RYR3: variants seen among roughly 807,000 people sequenced by gnomAD.
RYR3 encodes the protein brain ryanodine receptor-calcium release channel.
RYR3 carries 207 observed loss-of-function variants against 584.3 expected under a neutral mutation model. The observed-to-expected ratio is 0.35, with a 90% confidence interval of 0.32 to 0.40. The LOEUF (loss-of-function observed/expected upper bound fraction) is 0.40, where lower values mean the gene tolerates loss of function less well. Among genes scored for constraint, RYR3 ranks in the 10% least tolerant of loss-of-function variants. The probability of loss-of-function intolerance (pLI) is 1.00; values close to 1 mark genes in which losing one functional copy is unlikely to be tolerated. For synonymous variants in RYR3, 2,416 were observed against 2,248.5 expected (o/e 1.07, Z -2.11); for missense variants, 5,616 against 6,089.2 (o/e 0.92, Z 2.59).
chr15:33,685,370 G>C (rs1445772441), intron 38 of RYR3, among the ~76,000 whole-genome samples: 1 of 152,112 alleles, frequency 6.6e-6, no homozygotes, highest in Non-Finnish European at 1.5e-5. Context: ...TAATGGTAAA[G>C]GGATCAATTC....
chr15:33,811,620 AT>A (rs67851536), intron 72 of RYR3, among the ~76,000 whole-genome samples: 74 of 34,498 alleles, frequency 2.1e-3, no homozygotes, highest in African/African-American at 6.2e-3. Context: ...TACAAAGAGG[AT>A]TACAAAGAGG....
intron 32 of RYR3, among the ~76,000 whole-genome samples, chr15:33,655,390 C>G (rs2152693533): frequency 6.6e-6 from 1 of 152,274 alleles, no homozygotes; most frequent in South Asian, 2.1e-4. Context: ...CATCTCATAA[C>G]TTTTAAGACT....
At chr15:33,508,335 G>A (rs993015183) in intron 3 of RYR3, among the ~76,000 whole-genome samples, 3 of 152,098 alleles carry the variant, frequency 2.0e-5, no homozygotes, top group Non-Finnish European at 2.9e-5. Context: ...TATCTGGTAT[G>A]CTAATACACA....
intron 20 of RYR3, among the ~76,000 whole-genome samples, chr15:33,626,323 C>T (rs2060982610): frequency 6.6e-6 from 1 of 152,130 alleles, no homozygotes; most frequent in Non-Finnish European, 1.5e-5. Context: ...AAAGGTCGCT[C>T]CTCCTATGCA....
At chr15:33,498,811 T>TTAAAAA (rs1390614752) in intron 2 of RYR3, among the ~76,000 whole-genome samples, 1 of 152,204 alleles carries the variant, frequency 6.6e-6, no homozygotes, top group Non-Finnish European at 1.5e-5. Flanking sequence ...TAATTTCCAG[T>TTAAAAA]CTTGCATTTA....
At position 33,838,866 on chromosome 15, in the gene RYR3, C is replaced by A. The variant is rs369559898; in HGVS notation, c.12886C>A (p.Pro4296Thr). ...GAAAGAGGGCAGCTTAAAGCATGGG[C>A]CTGAAGTGGGTTTGGGTGACCTCTC... ...PKKEGSLKHGPEVGLGDLSEI... is the reference protein window; with the variant it reads ...PKKEGSLKHGTEVGLGDLSEI... Residue 4296 changes from proline to threonine, a missense_variant, in exon 89 of 104, where the codon CCT becomes ACT. This residue lies in a region of RYR3 where 918 missense variants were observed against 887.4 expected (regional missense o/e 1.03). Transcript: ENST00000634891. 4 of 1,613,786 alleles carry A rather than the reference C, an allele frequency of 2.5e-6. No homozygotes were observed. The African/African-American group carries it at 5.3e-5, about 22-fold the overall frequency.
chr15:33,589,480 A>G (rs1233997219), intron 16 of RYR3, among the ~76,000 whole-genome samples: 4 of 151,996 alleles, frequency 2.6e-5, no homozygotes, highest in Non-Finnish European at 5.9e-5. Flanking sequence ...CCATTTATCT[A>G]TTTTTTGTTT....
intron 1 of RYR3, among the ~76,000 whole-genome samples, chr15:33,387,559 C>T (rs540442832): frequency 6.6e-6 from 1 of 151,796 alleles, no homozygotes; most frequent in South Asian, 2.1e-4. Flanking sequence ...TTTTTTGTTG[C>T]TTGATCCTTA....
intron 3 of RYR3, among the ~76,000 whole-genome samples, chr15:33,524,503 T>C (rs2054251130): frequency 6.6e-6 from 1 of 152,232 alleles, no homozygotes; most frequent in Non-Finnish European, 1.5e-5. Flanking sequence ...GGTGCACACT[T>C]TTCTTTGCTT....
chr15:33,829,287 T>G (rs1283489627), intron 85 of RYR3, among the ~76,000 whole-genome samples: 1 of 152,188 alleles, frequency 6.6e-6, no homozygotes, highest in East Asian at 1.9e-4. Flanking sequence ...AATACAAGAT[T>G]TATTCTGCAG....
At chr15:33,550,052 A>G (rs922306653) in intron 9 of RYR3, 108 bp from the exon 10 acceptor site, 2 of 1,166,302 alleles carry the variant, frequency 1.7e-6, no homozygotes, top group Non-Finnish European at 2.4e-6. Context: ...AAGGATGGAC[A>G]CCAGAAGGGT....
At chr15:33,503,786 C>T (rs1318777668) in intron 3 of RYR3, 48 bp downstream of exon 3, 4 of 1,059,264 alleles carry the variant, frequency 3.8e-6, no homozygotes, top group East Asian at 2.5e-5. Context: ...TGCACCACAT[C>T]CCCAAAATAC....
chr15:33,864,437 T>C (rs1889714055), intron 103 of RYR3, among the ~76,000 whole-genome samples: 1 of 151,106 alleles, frequency 6.6e-6, no homozygotes, highest in Non-Finnish European at 1.5e-5. Flanking sequence ...GGGGAGAACA[T>C]TACAGAGACA....
intron 2 of RYR3, among the ~76,000 whole-genome samples, chr15:33,479,103 A>ACAG (rs80083187): frequency 1.4e-5 from 2 of 139,996 alleles, no homozygotes; most frequent in Non-Finnish European, 3.0e-5. Context: ...TTGCAGAATG[A>ACAG]TGGAATAGTG....
intron 31 of RYR3, among the ~76,000 whole-genome samples, chr15:33,651,447 A>G (rs2062456873): frequency 1.3e-5 from 2 of 152,248 alleles, no homozygotes; most frequent in African/African-American, 4.8e-5. Flanking sequence ...GGGCATTCAC[A>G]GGAAGCGAGC....
At chr15:33,789,131 G>A (rs1411010803) in intron 67 of RYR3, among the ~76,000 whole-genome samples, 1 of 152,124 alleles carries the variant, frequency 6.6e-6, no homozygotes, top group African/African-American at 2.4e-5. Context: ...GGATGTTCAA[G>A]GGACCAAAAG....
rs946116144 is a variant in RYR3 at position 33,788,567 on chromosome 15, C to T, written c.9830+109C>T. The T allele has an allele frequency of 1.5e-5, 19 of 1,234,756 alleles. No homozygotes were observed. In the African/African-American group the frequency reaches 2.0e-4, roughly 13 times the overall value. 76.5% of individuals were successfully genotyped at this position (1,234,756 alleles called of 1,614,324 possible). The stretch of plus-strand genomic sequence containing the variant: ...GTTGTTAACAGTGAGATAAAGGAGG[C>T]GATAGCCGCCCCCACCATTCTCCTT... On this transcript the variant is annotated intron_variant, in intron 67 of 103. Coordinates refer to ENST00000634891, the MANE Select transcript of RYR3 (RefSeq NM_001036.6).
intron 21 of RYR3, 157 bp from the exon 22 acceptor site, chr15:33,629,783 A>G (rs1373177196): frequency 7.0e-6 from 4 of 569,998 alleles, no homozygotes; most frequent in Non-Finnish European, 9.3e-6. Flanking sequence ...CTCATTGACT[A>G]GAGAGATCAT....
At chr15:33,664,876 T>A (rs1167219769) in intron 36 of RYR3, among the ~76,000 whole-genome samples, 1 of 152,092 alleles carries the variant, frequency 6.6e-6, no homozygotes, top group Non-Finnish European at 1.5e-5. Context: ...AACGTAGATA[T>A]CTATATTGGC....
Sources: allele counts gnomAD v4.1 joint callset (sites outside exome capture counted in the v4.1 genomes callset), GRCh38; gene constraint gnomAD v4.1.1; regional missense constraint gnomAD v4.1.1; transcripts MANE v1.5; gene names NCBI Gene and HGNC (gene_info 2026-07-23, HGNC 2026-07-21).